The following HSF2BP variants were observed in gnomAD, a reference collection of about 807,000 sequenced individuals.
The protein encoded by HSF2BP is heat shock factor 2-binding protein.
Under a neutral mutation model 35.0 loss-of-function variants are expected in HSF2BP, and 35 were observed. The observed-to-expected ratio is 1.00, with a 90% CI of 0.76 to 1.32. The LOEUF (loss-of-function observed/expected upper bound fraction) is 1.32, where lower values mean the gene tolerates loss of function less well. Ranked by LOEUF, HSF2BP falls within the 40% of genes most tolerant of loss-of-function variation. The pLI, the probability that HSF2BP is intolerant of heterozygous loss-of-function variation, is 0.00. For synonymous variants in HSF2BP, 114 were observed against 117.4 expected, an observed-to-expected ratio of 0.97 and a Z score of 0.18; for missense variants, 326 against 321.7, an observed-to-expected ratio of 1.01 and a Z score of -0.10.
intron 3 of HSF2BP, among the ~76,000 whole-genome samples, chr21:43,653,259 G>T (rs1342775584): frequency 1.5e-5 from 2 of 136,104 alleles, no homozygotes; most frequent in Admixed American, 7.4e-5. Context: ...GGAGGGGAGG[G>T]AAGGGAAGGG....
intron 3 of HSF2BP, among the ~76,000 whole-genome samples, chr21:43,654,097 T>C (rs2082833720): frequency 6.6e-6 from 1 of 151,208 alleles, no homozygotes; most frequent in Admixed American, 6.6e-5. Flanking sequence ...ACAGATAAAG[T>C]CAGGTGCCAA....
chr21:43,595,847 C>T (rs904401469), intron 7 of HSF2BP, among the ~76,000 whole-genome samples: 5 of 146,696 alleles, frequency 3.4e-5, no homozygotes, highest in African/African-American at 1.3e-4. Flanking sequence ...GCCTCAGCCT[C>T]CTGAGTAGCT....
At chr21:43,623,792 C>T (rs548999348) in intron 6 of HSF2BP, among the ~76,000 whole-genome samples, 5 of 151,810 alleles carry the variant, frequency 3.3e-5, no homozygotes, top group African/African-American at 7.3e-5. Flanking sequence ...CAGGTGATTC[C>T]GCAAAAAAAA....
intron 4 of HSF2BP, among the ~76,000 whole-genome samples, chr21:43,641,418 C>A (rs2082635276): frequency 6.6e-6 from 1 of 152,144 alleles, no homozygotes; most frequent in South Asian, 2.1e-4. Flanking sequence ...AAGCAGGTAT[C>A]AAGACCCAGT....
chr21:43,608,635 A>T (rs1375877015), intron 7 of HSF2BP, among the ~76,000 whole-genome samples: 1 of 152,186 alleles, frequency 6.6e-6, no homozygotes, highest in African/African-American at 2.4e-5. Flanking sequence ...TCTACCAAAA[A>T]GACACCTGCC....
chr21:43,612,653 A>AAAG (rs1423749521), intron 7 of HSF2BP, among the ~76,000 whole-genome samples: 1 of 137,826 alleles, frequency 7.3e-6, no homozygotes, highest in Non-Finnish European at 1.5e-5. Context: ...TCCGTCTCAA[A>AAAG]AAAAAAAAAA....
At chr21:43,657,764 CAGAGA>C (rs2147143075) in intron 2 of HSF2BP, 1 of 882,094 alleles carries the variant, frequency 1.1e-6, no homozygotes, top group Non-Finnish European at 1.4e-6. Flanking sequence ...TTCCACGGAG[CAGAGA>C]AGAGAGTGAC....
intron 3 of HSF2BP, among the ~76,000 whole-genome samples, chr21:43,645,915 T>TAGAGCTTTAGAAAATTTAGA (rs1601721370): frequency 1.3e-5 from 2 of 152,264 alleles, no homozygotes; most frequent in Admixed American, 6.5e-5. Flanking sequence ...CAAGCTAGTC[T>TAGAGCTTTAGAAAATTTAGA]CTAAATTTTC....
At chr21:43,506,173 TG>T in the HSF2BP span, among the ~76,000 whole-genome samples, 1 of 129,040 alleles carries the variant, frequency 7.7e-6, no homozygotes, top group Non-Finnish European at 1.7e-5. Flanking sequence ...CCCTGCCTCC[TG>T]CTCGTGACTT....
intron 8 of HSF2BP, among the ~76,000 whole-genome samples, chr21:43,573,067 G>C (rs1244922680): frequency 1.3e-5 from 2 of 152,230 alleles, no homozygotes; most frequent in Non-Finnish European, 2.9e-5. Flanking sequence ...ATGAGCCCAT[G>C]AGTGAGTGAA....
intron 3 of HSF2BP, among the ~76,000 whole-genome samples, chr21:43,652,346 T>C (rs1435709244): frequency 7.1e-6 from 1 of 141,796 alleles, no homozygotes; most frequent in Admixed American, 7.6e-5. Context: ...GAGGTTGCAG[T>C]GAGCTGAGAT....
intron 6 of HSF2BP, among the ~76,000 whole-genome samples, chr21:43,622,236 G>A (rs1360966753): frequency 6.6e-6 from 1 of 151,934 alleles, no homozygotes; most frequent in African/African-American, 2.4e-5. Context: ...TAACCATAAA[G>A]GATGACAGTA....
chr21:43,590,653 T>C (rs2146777399), intron 8 of HSF2BP, among the ~76,000 whole-genome samples: 1 of 152,318 alleles, frequency 6.6e-6, no homozygotes, highest in African/African-American at 2.4e-5. Flanking sequence ...TAAAAAATAA[T>C]GACCTATTAA....
At chr21:43,618,780 CAA>C (rs35186292) in intron 6 of HSF2BP, among the ~76,000 whole-genome samples, 23 of 116,058 alleles carry the variant, frequency 2.0e-4, no homozygotes, top group Middle Eastern at 8.2e-3. Context: ...ACTAAAAATA[CAA>C]AAAAAAAAAA....
chr21:43,618,070 GGC>G (rs1275551241), intron 6 of HSF2BP, among the ~76,000 whole-genome samples: 1 of 152,012 alleles, frequency 6.6e-6, no homozygotes, highest in Non-Finnish European at 1.5e-5. Flanking sequence ...ATGAGTCTTA[GGC>G]AACATAATGA....
intron 8 of HSF2BP, among the ~76,000 whole-genome samples, chr21:43,589,029 G>A (rs1180089583): frequency 6.6e-6 from 1 of 152,160 alleles, no homozygotes; most frequent in Non-Finnish European, 1.5e-5. Context: ...TTGAGTCTGA[G>A]ACCAAGAACT....
At chr21:43,574,302 G>A (rs1308491536) in intron 8 of HSF2BP, among the ~76,000 whole-genome samples, 1 of 152,204 alleles carries the variant, frequency 6.6e-6, no homozygotes, top group Non-Finnish European at 1.5e-5. Context: ...CACGTTGGGT[G>A]ATTATCTTGG....
intron 7 of HSF2BP, among the ~76,000 whole-genome samples, chr21:43,592,984 C>A (rs750595572): frequency 7.2e-5 from 11 of 152,210 alleles, no homozygotes; most frequent in Non-Finnish European, 1.3e-4. Context: ...ACACTTTACA[C>A]TGCAGAGCAA....
At chr21:43,605,889 C>A (rs2082129603) in intron 7 of HSF2BP, among the ~76,000 whole-genome samples, 1 of 151,620 alleles carries the variant, frequency 6.6e-6, no homozygotes, top group African/African-American at 2.4e-5. Flanking sequence ...TTTCCCCACG[C>A]CCCGCCACAT....
Sources: gnomAD v4.1 joint callset for allele counts (sites outside exome capture counted in the v4.1 genomes callset) on GRCh38, gnomAD v4.1.1 for gene constraint, MANE v1.5 for transcripts, NCBI Gene and HGNC (gene_info 2026-07-23, HGNC 2026-07-21) for gene names.